Variants in GUCY2D observed in about 807,000 individuals in gnomAD.
GUCY2D encodes retinal guanylyl cyclase 1.
GUCY2D carries 70 observed loss-of-function variants against 101.3 expected under a neutral mutation model. The observed-to-expected ratio is 0.69, with a 90% CI of 0.57 to 0.84. The LOEUF is 0.84. Among genes scored for constraint, GUCY2D ranks in the 40% least tolerant of loss-of-function variants. The probability of loss-of-function intolerance (pLI) is 0.00; values close to 1 mark genes in which losing one functional copy is unlikely to be tolerated. For synonymous variants in GUCY2D, 688 were observed against 670.7 expected, an observed-to-expected ratio of 1.03 and a Z score of -0.40; for missense variants, 1,460 against 1,542.5, an observed-to-expected ratio of 0.95 and a Z score of 0.90.
Position 8,016,474 on chromosome 17 carries a change from A to G in GUCY2D, c.3256A>G (p.Ile1086Val). 6.3e-7 allele frequency: 1 copy of G among 1,578,940 alleles called. No individual in the cohort carries two copies. Among genetic ancestry groups the G allele is most frequent in the East Asian group, 2.3e-5 (1 of 43,458 alleles). Residue 1086 changes from isoleucine (I) to valine (V), a missense_variant, in exon 19 of 20, where the codon ATC becomes GTC. By Grantham distance (29) the Ile-to-Val change is conservative (BLOSUM62 3). This residue lies in a region of GUCY2D where 215 missense variants were observed against 227.9 expected (regional missense o/e 0.94). Coordinates refer to ENST00000254854, the MANE Select transcript of GUCY2D (RefSeq NM_000180.4). ...SSNHGISLQE[I>V]PPERRRKLEK... ...CAACCACGGCATCAGCCTGCAGGAG[A>G]TCCCACCCGAGCGGCGACGGAAGCT...
intron 19 of GUCY2D, among the ~76,000 whole-genome samples, chr17:8,017,429 T>C (rs1975999307): frequency 6.6e-6 from 1 of 152,182 alleles, no homozygotes; most frequent in African/African-American, 2.4e-5. Context: ...AGAGCAGGGT[T>C]TGTCACATGG....
chr17:8,003,662 C>T lies in GUCY2D; in HGVS notation c.615C>T (p.Leu205=), dbSNP rs568227769. The T allele has an allele frequency of 6.3e-7, 1 of 1,595,592 alleles. No homozygotes were observed. Among genetic ancestry groups the T allele is most frequent in the South Asian group, 1.1e-5 (1 of 90,540 alleles). Residue 205 remains leucine (L), a synonymous_variant, in exon 2 of 20, where the codon CTC becomes CTT. Transcript: ENST00000254854. The stretch of plus-strand genomic sequence containing the variant: ...CGGGACGCTCACTGTCCACGGCACT[C>T]AGGGCCCGGGGCCTGCCTGTCGCCT... ...VEAGRSLSTA[L]RARGLPVASV...
Position 8,010,582 on chromosome 17 carries a change from G to A in GUCY2D, c.1749+996G>A, listed in dbSNP as rs1045525268. Among the ~76,000 whole-genome samples the A allele has an allele frequency of 6.5e-4, 99 of 151,852 alleles. 2 individuals carry two copies. Among genetic ancestry groups the A allele is most frequent in the East Asian group, 1.9e-3 (10 of 5,138 alleles). ...AGCACTTTGGGAGGCCGAGGCGGGC[G>A]GATCACGAGGTCAGGAGATCGAGAC... On this transcript the variant is annotated intron_variant, in intron 8 of 19. Transcript: ENST00000254854.
intron 8 of GUCY2D, 70 bp from the exon 9 acceptor site, chr17:8,012,074 G>A: frequency 9.2e-7 from 1 of 1,087,484 alleles, no homozygotes; most frequent in Admixed American, 1.7e-5. Flanking sequence ...CTCAAAAACA[G>A]ATCTTGATTA....
Position 8,003,482 on chromosome 17 carries a change from C to A in GUCY2D, c.435C>A (p.Ile145=), listed in dbSNP as rs904414208. ...AGCTGCTCGCCGAAGAAGCCGGGAT[C>A]GCGCTGGTGCCCTGGGGCTGCCCCT... is the stretch of plus-strand genomic sequence containing the variant. The part of the protein sequence containing the change: ...PAELLAEEAG[I]ALVPWGCPWT... Residue 145 remains isoleucine (I), a synonymous_variant, in exon 2 of 20, where the codon ATC becomes ATA. Coordinates refer to ENST00000254854, the MANE Select transcript of GUCY2D (RefSeq NM_000180.4). 1.3e-5 allele frequency: 20 copies of A among 1,525,958 alleles called. No homozygotes were observed. The East Asian group carries it at 3.8e-4, about 29-fold the overall frequency. The allele number at this position is 1,525,958 out of a possible 1,614,324, so 94.5% of individuals were successfully genotyped here.
At position 8,013,842 on chromosome 17, in the gene GUCY2D, T is replaced by C. The variant is rs1975904670; in HGVS notation, c.2264-38T>C. ...AGGGTCAGAGGCAGCCTTTGTGTTC[T>C]GGGGGCACTCCCCCTCACTGTCCCC... is the stretch of plus-strand genomic sequence containing the variant. On this transcript the variant is annotated intron_variant, in intron 11 of 19. Transcript: ENST00000254854. This position sits in a 1 kb window ranked among gnomAD's most constrained non-coding sequence, Gnocchi z 5.0. 1 of 1,598,174 alleles carries C rather than the reference T, an allele frequency of 6.3e-7. No individual in the cohort carries two copies. The highest frequency in any genetic ancestry group is 8.6e-7 in the Non-Finnish European group (1 of 1,166,160).
intron 19 of GUCY2D, among the ~76,000 whole-genome samples, chr17:8,019,795 C>G (rs975553152): frequency 1.3e-5 from 2 of 152,238 alleles, no homozygotes; most frequent in Non-Finnish European, 2.9e-5. Flanking sequence ...GTTATCCAGT[C>G]TCAGGGCTCT....
In GUCY2D at chr17:8,014,003, C is replaced by T. The variant is rs1304876088; in HGVS notation, c.2387C>T (p.Pro796Leu). The change falls in exon 12 of 20, where the codon CCC becomes CTC. Residue 796 changes from proline (P) to leucine (L), a missense_variant. Coordinates refer to ENST00000254854, the MANE Select transcript of GUCY2D (RefSeq NM_000180.4). The surrounding 1 kb of genome is among the most constrained non-coding windows in gnomAD (Gnocchi z 4.0). ...TGGGCAGAGCAGCCGGAACTTCGGCCCTCCATGGACCACACCTTCGACCTG... is the reference window on the plus strand; with the variant it reads ...TGGGCAGAGCAGCCGGAACTTCGGCTCTCCATGGACCACACCTTCGACCTG... Reference protein sequence around the residue: ...QCWAEQPELRPSMDHTFDLFK... With the variant: ...QCWAEQPELRLSMDHTFDLFK... The T allele has an allele frequency of 2.5e-6, 4 of 1,613,476 alleles. No homozygotes were observed. The African/African-American group carries it at 5.3e-5, about 22-fold the overall frequency.
chr17:8,004,186 C>T (rs755071207), intron 3 of GUCY2D, 30 bp downstream of exon 3: 6 of 1,561,308 alleles, frequency 3.8e-6, no homozygotes, highest in South Asian at 1.2e-5. Flanking sequence ...GGGAAGAAGG[C>T]AAGGGAGAGG....
At position 8,013,634 on chromosome 17, in the gene GUCY2D, A is replaced by G; in HGVS notation, c.2264-246A>G. Reference sequence around the variant, plus strand: ...CCTATCCCTCACTTGTCTTACATACAATATGTTAGTTTCTTTGCCTATGTC... The same window carrying G: ...CCTATCCCTCACTTGTCTTACATACGATATGTTAGTTTCTTTGCCTATGTC... On this transcript the variant is annotated intron_variant, in intron 11 of 19. Coordinates refer to ENST00000254854, the MANE Select transcript of GUCY2D (RefSeq NM_000180.4). This position sits in a 1 kb window ranked among gnomAD's most constrained non-coding sequence, Gnocchi z 5.0. 1.7e-6 allele frequency: 1 copy of G among 590,966 alleles called. No individual in the cohort carries two copies. Among genetic ancestry groups the G allele is most frequent in the East Asian group, 2.8e-5 (1 of 35,556 alleles). The allele number at this position is 590,966 out of a possible 1,614,324, so 36.6% of individuals were successfully genotyped here. A position where few individuals can be genotyped will look rare whatever the true frequency, so the allele number is the denominator to read the frequency against.
chr17:8,015,796 G>A lies in GUCY2D; in HGVS notation c.2998G>A (p.Gly1000Arg), dbSNP rs1351677808. The change falls in exon 16 of 20, where the codon GGG becomes AGG. Residue 1000 changes from glycine to arginine, a missense_variant. Physicochemically the swap from Gly to Arg is moderately radical, Grantham distance 125. Around this residue, in one of 3 missense-constraint regions of GUCY2D, gnomAD observed 215 missense variants for 227.9 expected, o/e 0.94. Transcript: ENST00000254854. ...CACCATGCCGCGGTACTGCCTGTTTGGGGACACGGTCAACACCGCCTCGCG... is the reference window on the plus strand; with the variant it reads ...CACCATGCCGCGGTACTGCCTGTTTAGGGACACGGTCAACACCGCCTCGCG... ...GLTMPRYCLF[G>R]DTVNTASRME... 1.2e-6 allele frequency: 2 copies of A among 1,612,832 alleles called. No individual in the cohort carries two copies. Among genetic ancestry groups the A allele is most frequent in the Non-Finnish European group, 1.7e-6 (2 of 1,179,632 alleles).
intron 3 of GUCY2D, among the ~76,000 whole-genome samples, chr17:8,005,176 A>G (rs1425238340): frequency 2.0e-5 from 3 of 152,104 alleles, no homozygotes; most frequent in African/African-American, 7.2e-5. Context: ...GTTACTTCCT[A>G]AAGATCATTC....
chr17:8,019,067 C>T (rs1976026336), intron 19 of GUCY2D, among the ~76,000 whole-genome samples: 2 of 152,070 alleles, frequency 1.3e-5, no homozygotes, highest in Non-Finnish European at 2.9e-5. Flanking sequence ...CCCGGGCATG[C>T]ACACACACAC....
chr17:8,003,392 C>T lies in GUCY2D; in HGVS notation c.345C>T (p.Ser115=). ...CGCCGGGCTCGCTGGGGGCCGTGTC[C>T]TCCGCGCTGGCCCGCGTGTCGGGCC... ...CRTPGSLGAV[S]SALARVSGLV... The change falls in exon 2 of 20, where the codon TCC becomes TCT. Residue 115 remains serine, a synonymous_variant. Coordinates refer to ENST00000254854, the MANE Select transcript of GUCY2D (RefSeq NM_000180.4). The T allele has an allele frequency of 6.7e-7, 1 of 1,483,828 alleles. No homozygotes were observed. The highest frequency in any genetic ancestry group is 8.9e-7 in the Non-Finnish European group (1 of 1,124,522). The allele number at this position is 1,483,828 out of a possible 1,614,324, so 91.9% of individuals were successfully genotyped here.
rs1172028429 is a variant in GUCY2D, at chr17:8,014,225, T to TA, written c.2412+198dup. ...CTGTGGAGGCTTTTGGAGTGGGAGA[T>TA]AGAGTTCTGTCTGGGTGGGAGGAAT... is the stretch of plus-strand genomic sequence containing the variant. On this transcript the variant is annotated intron_variant, in intron 12 of 19. Coordinates refer to ENST00000254854, the MANE Select transcript of GUCY2D (RefSeq NM_000180.4). This position sits in a 1 kb window ranked among gnomAD's most constrained non-coding sequence, Gnocchi z 4.0. 1 of 641,866 alleles carries TA rather than the reference T, an allele frequency of 1.6e-6. No individual in the cohort carries two copies. Among genetic ancestry groups the TA allele is most frequent in the East Asian group, 2.7e-5 (1 of 36,654 alleles). The allele number at this position is 641,866 out of a possible 1,614,324, so 39.8% of individuals were successfully genotyped here. A position where few individuals can be genotyped will look rare whatever the true frequency, so the allele number is the denominator to read the frequency against.
rs562580870 is a variant in GUCY2D, at chr17:8,006,024, G to GAGAGGACCT, written c.1027-337_1027-329dup. Reference sequence around the variant, plus strand: ...TATGCTGGGCAACCAACAGGAAGAAGAGAGGACCTACAGGTGATGGAGAAT... The same window carrying GAGAGGACCT: ...TATGCTGGGCAACCAACAGGAAGAAGAGAGGACCTAGAGGACCTACAGGTGATGGAGAAT... On this transcript the variant is annotated intron_variant, in intron 3 of 19. Transcript: ENST00000254854. Among the ~76,000 whole-genome samples the GAGAGGACCT allele has an allele frequency of 4.2e-3, 633 of 152,326 alleles. 6 individuals carry two copies. The highest frequency in any genetic ancestry group is 7.5e-3 in the Non-Finnish European group (512 of 68,028).
intron 19 of GUCY2D, chr17:8,016,822 A>G (rs1975987865): frequency 2.2e-6 from 1 of 456,222 alleles, no homozygotes; most frequent in Non-Finnish European, 4.0e-6. Context: ...CCCAGTGCAT[A>G]AACCTGGCTT....
intron 8 of GUCY2D, 57 bp downstream of exon 8, chr17:8,009,643 TTC>T: frequency 8.8e-7 from 1 of 1,130,650 alleles, no homozygotes; most frequent in South Asian, 1.2e-5. Context: ...CCTCCTTGCC[TTC>T]TCTTTGCAGC....
rs527659830 is a variant in GUCY2D at position 8,012,075 on chromosome 17, A to C, written c.1750-69A>C. On this transcript the variant is annotated intron_variant, in intron 8 of 19. Coordinates refer to ENST00000254854, the MANE Select transcript of GUCY2D (RefSeq NM_000180.4). The stretch of plus-strand genomic sequence containing the variant: ...TCTGGGTCTGGATACTCAAAAACAG[A>C]TCTTGATTAACAGCCCCTTCCCCAC... 1.6e-5 allele frequency: 17 copies of C among 1,091,090 alleles called. 1 individual carries two copies. In the African/African-American group the frequency reaches 1.7e-4, roughly 11 times the overall value. 67.6% of individuals were successfully genotyped at this position (1,091,090 alleles called of 1,614,324 possible).
Sources: gnomAD v4.1 joint callset for allele counts (sites outside exome capture counted in the v4.1 genomes callset) on GRCh38, gnomAD v4.1.1 for gene constraint, gnomAD v4.1.1 regional missense constraint, Gnocchi (gnomAD v3.1) non-coding constraint, MANE v1.5 for transcripts, NCBI Gene and HGNC (gene_info 2026-07-23, HGNC 2026-07-21) for gene names.